TTC28: variants seen among roughly 807,000 people sequenced by gnomAD.
TTC28 encodes tetratricopeptide repeat domain 28.
A neutral mutation model predicts 198.0 loss-of-function variants in TTC28; 61 were observed. That is an observed-to-expected ratio of 0.31 (90% CI 0.25 to 0.38). TTC28 has a LOEUF of 0.38. Ranked by LOEUF, TTC28 falls within the 10% of genes least tolerant of loss-of-function variation. The pLI is 1.00. For missense variants in TTC28, 2,678 were observed against 3,164.0 expected, an observed-to-expected ratio of 0.85 and a Z score of 3.69; for synonymous variants, 1,171 against 1,297.8, an observed-to-expected ratio of 0.90 and a Z score of 2.10.
chr22:28,340,011 T>C (rs1397621540), intron 2 of TTC28, among the ~76,000 whole-genome samples: 3 of 152,162 alleles, frequency 2.0e-5, no homozygotes, highest in Non-Finnish European at 4.4e-5. Flanking sequence ...CTGGAGCTGT[T>C]CCTATTCGGC....
Position 27,981,104 on chromosome 22 carries a change from A to C in TTC28, c.*1117T>G, listed in dbSNP as rs896543555. 1 of 152,388 alleles carries C rather than the reference A, an allele frequency of 6.6e-6. No homozygotes were observed. The highest frequency in any genetic ancestry group is 2.4e-5 in the African/African-American group (1 of 41,426). 9.4% of individuals were successfully genotyped at this position (152,388 alleles called of 1,614,324 possible). On this transcript the variant is annotated 3_prime_UTR_variant, in exon 23 of 23. Transcript: ENST00000397906. ...GGTGCTGGGATTGTGGGGACCTGGC[A>C]AAGGATTTAGATATAAGACAACTGA...
intron 6 of TTC28, among the ~76,000 whole-genome samples, chr22:28,125,202 C>G (rs1942886071): frequency 6.6e-6 from 1 of 152,128 alleles, no homozygotes; most frequent in South Asian, 2.1e-4. Flanking sequence ...ACAACCTACC[C>G]AACATTAGAG....
At chr22:28,429,954 A>G (rs1322792167) in intron 2 of TTC28, among the ~76,000 whole-genome samples, 5 of 152,056 alleles carry the variant, frequency 3.3e-5, no homozygotes, top group Non-Finnish European at 5.9e-5. Context: ...TTCTCCCACA[A>G]GAGAATGTGG....
At chr22:28,041,396 T>A (rs886171385) in intron 12 of TTC28, among the ~76,000 whole-genome samples, 1 of 152,052 alleles carries the variant, frequency 6.6e-6, no homozygotes, top group Non-Finnish European at 1.5e-5. Flanking sequence ...TATAGACCAA[T>A]GGAACAGAAC....
At chr22:28,073,087 T>C (rs1941052562) in intron 12 of TTC28, among the ~76,000 whole-genome samples, 1 of 152,068 alleles carries the variant, frequency 6.6e-6, no homozygotes, top group Non-Finnish European at 1.5e-5. Context: ...AGCAAATGGG[T>C]AATATCAAAC....
intron 2 of TTC28, among the ~76,000 whole-genome samples, chr22:28,486,374 T>A (rs374118572): frequency 6.6e-6 from 1 of 152,166 alleles, no homozygotes; most frequent in South Asian, 2.1e-4. Flanking sequence ...TGAGACTAGC[T>A]GCACACTGAG....
intron 3 of TTC28, chr22:28,303,652 A>G (rs554400937): frequency 1.3e-5 from 2 of 152,366 alleles, no homozygotes; most frequent in East Asian, 3.9e-4. Context: ...ACACTTCCAC[A>G]AAGACCAAAC....
chr22:28,014,273 T>G lies in TTC28; in HGVS notation c.4193A>C (p.Asp1398Ala). 2 of 1,551,448 alleles carry G rather than the reference T, an allele frequency of 1.3e-6. No homozygotes were observed. The highest frequency in any genetic ancestry group is 1.7e-6 in the Non-Finnish European group (2 of 1,146,886). The change falls in exon 14 of 23, where the codon GAC becomes GCC. Residue 1398 changes from aspartate to alanine, a missense_variant. Around this residue, in one of 8 missense-constraint regions of TTC28, gnomAD observed 727 missense variants for 861.9 expected, o/e 0.84. Transcript: ENST00000397906. ...CCCTTCCATGGGCGCGATGAGCAGG[T>G]CATACAGGGCACGGAGCGGGGGCTT... ...FAKPPLRALY[D>A]LLIAPMEGGL...
intron 2 of TTC28, among the ~76,000 whole-genome samples, chr22:28,429,824 A>T (rs142613140): frequency 7.9e-5 from 12 of 152,300 alleles, no homozygotes; most frequent in African/African-American, 2.9e-4. Context: ...AGCAATTACC[A>T]ATCAGCCTAA....
intron 2 of TTC28, among the ~76,000 whole-genome samples, chr22:28,555,316 C>G (rs182517682): frequency 3.9e-5 from 6 of 152,238 alleles, no homozygotes; most frequent in African/African-American, 7.2e-5. Context: ...GTAGATCTAC[C>G]GTTTGATCCA....
At chr22:28,396,224 T>G (rs1055043288) in intron 2 of TTC28, among the ~76,000 whole-genome samples, 1 of 152,212 alleles carries the variant, frequency 6.6e-6, no homozygotes, top group Non-Finnish European at 1.5e-5. Context: ...GTGATTACAT[T>G]TTCCAGGAAC....
At chr22:28,191,565 C>T (rs763496052) in intron 5 of TTC28, among the ~76,000 whole-genome samples, 22 of 152,246 alleles carry the variant, frequency 1.4e-4, no homozygotes, top group Non-Finnish European at 3.2e-4. Flanking sequence ...ACAGATGGCA[C>T]CTGGAAAATC....
At chr22:28,197,565 G>T (rs1925502988) in intron 5 of TTC28, among the ~76,000 whole-genome samples, 1 of 151,926 alleles carries the variant, frequency 6.6e-6, no homozygotes, top group African/African-American at 2.4e-5. Context: ...GCCTAAAAAT[G>T]ATAAAAATCA....
intron 5 of TTC28, among the ~76,000 whole-genome samples, chr22:28,267,145 ATTGTACTACACACTG>A (rs1931734326): frequency 6.6e-6 from 1 of 152,188 alleles, no homozygotes; most frequent in African/African-American, 2.4e-5. Flanking sequence ...CTAGTAGTGT[ATTGTACTACACACTG>A]GGCCAAGTGA....
At chr22:28,293,635 A>G (rs2044832223) in intron 5 of TTC28, among the ~76,000 whole-genome samples, 1 of 152,192 alleles carries the variant, frequency 6.6e-6, no homozygotes, top group South Asian at 2.1e-4. Flanking sequence ...CCCCCCCTCC[A>G]ACAGAAAGTT....
At chr22:28,183,774 G>A (rs1923930856) in intron 5 of TTC28, among the ~76,000 whole-genome samples, 1 of 151,982 alleles carries the variant, frequency 6.6e-6, no homozygotes, top group Admixed American at 6.6e-5. Flanking sequence ...TTATCTATAT[G>A]CAGGATCTAT....
At position 28,392,549 on chromosome 22, in the gene TTC28, C is replaced by T. The variant is rs188611566; in HGVS notation, c.382-85906G>A. Among the ~76,000 whole-genome samples the T allele has an allele frequency of 2.6e-5, 4 of 152,206 alleles. No homozygotes were observed. In the East Asian group the frequency reaches 7.7e-4, roughly 29 times the overall value. ...GTGCGGGATATAATCTCCTGGTGCG[C>T]CATTTTTTAAGCCCATCGGAAAAGC... On this transcript the variant is annotated intron_variant, in intron 2 of 22. Coordinates refer to ENST00000397906, the MANE Select transcript of TTC28 (RefSeq NM_001145418.2).
intron 5 of TTC28, among the ~76,000 whole-genome samples, chr22:28,278,013 G>A (rs1213402168): frequency 6.6e-6 from 1 of 152,112 alleles, no homozygotes; most frequent in African/African-American, 2.4e-5. Flanking sequence ...GTCCCTGAAT[G>A]ATGCTGCAGT....
intron 2 of TTC28, among the ~76,000 whole-genome samples, chr22:28,310,463 C>A (rs1191396487): frequency 6.6e-6 from 1 of 152,174 alleles, no homozygotes. Context: ...AAACAATTCA[C>A]TCTGCAAGTA....
Sources: gnomAD v4.1 joint callset for allele counts (sites outside exome capture counted in the v4.1 genomes callset) on GRCh38, gnomAD v4.1.1 for gene constraint, gnomAD v4.1.1 regional missense constraint, MANE v1.5 for transcripts, NCBI Gene and HGNC (gene_info 2026-07-23, HGNC 2026-07-21) for gene names.